MACROD2: variants seen among roughly 807,000 people sequenced by gnomAD.
MACROD2 encodes the protein mono-ADP ribosylhydrolase 2.
A neutral mutation model predicts 70.4 loss-of-function variants in MACROD2; 36 were observed. That is an observed-to-expected ratio of 0.51 (90% CI 0.39 to 0.68). The LOEUF (loss-of-function observed/expected upper bound fraction) is 0.68. Among genes scored for constraint, MACROD2 ranks in the 30% least tolerant of loss-of-function variants. The pLI, the probability that MACROD2 is intolerant of heterozygous loss-of-function variation, is 0.00. For missense variants in MACROD2, 496 were observed against 538.4 expected, an observed-to-expected ratio of 0.92 and a Z score of 0.78; for synonymous variants, 172 against 178.8, an observed-to-expected ratio of 0.96 and a Z score of 0.30.
chr20:14,650,585 T>G lies in MACROD2; in HGVS notation c.302-34258T>G, dbSNP rs138553781. On this transcript the variant is annotated intron_variant, in intron 4 of 17. Coordinates refer to ENST00000684519, the MANE Select transcript of MACROD2 (RefSeq NM_001351661.2). Reference sequence around the variant, plus strand: ...AGTTTAAGACTCAAATGGAACTGACTTTTTCAGCCTATTTGTTGTCTATGG... The same window carrying G: ...AGTTTAAGACTCAAATGGAACTGACGTTTTCAGCCTATTTGTTGTCTATGG... Among the ~76,000 whole-genome samples, 286 of 152,328 alleles carry G rather than the reference T, an allele frequency of 1.9e-3. 1 individual carries two copies. The highest frequency in any genetic ancestry group is 6.8e-3 in the African/African-American group (281 of 41,584).
intron 5 of MACROD2, among the ~76,000 whole-genome samples, chr20:14,787,982 G>A (rs2072395853): frequency 6.6e-6 from 1 of 151,872 alleles, no homozygotes; most frequent in Non-Finnish European, 1.5e-5. Flanking sequence ...TTTACCTAGA[G>A]GGCTTTCTAT....
intron 3 of MACROD2, among the ~76,000 whole-genome samples, chr20:14,429,526 C>G (rs1015687271): frequency 2.6e-5 from 4 of 152,064 alleles, no homozygotes; most frequent in African/African-American, 9.7e-5. Flanking sequence ...GAGAAATTGC[C>G]TTAAACATGT....
intron 3 of MACROD2, among the ~76,000 whole-genome samples, chr20:14,430,323 A>C (rs2083980997): frequency 6.6e-6 from 1 of 152,158 alleles, no homozygotes; most frequent in Non-Finnish European, 1.5e-5. Flanking sequence ...GCAGTCTTTA[A>C]AAGAGATCGA....
At chr20:15,037,561 G>T (rs1259853542) in intron 5 of MACROD2, among the ~76,000 whole-genome samples, 1 of 152,190 alleles carries the variant, frequency 6.6e-6, no homozygotes, top group Non-Finnish European at 1.5e-5. Context: ...TGGCATTTTA[G>T]TCAGTGTATT....
intron 5 of MACROD2, among the ~76,000 whole-genome samples, chr20:14,922,092 G>T (rs2074171112): frequency 6.6e-6 from 1 of 152,096 alleles, no homozygotes; most frequent in African/African-American, 2.4e-5. Flanking sequence ...TTTCTATGAT[G>T]ACCCGGTGAC....
intron 8 of MACROD2, among the ~76,000 whole-genome samples, chr20:15,632,412 G>A (rs938507679): frequency 6.6e-6 from 1 of 152,130 alleles, no homozygotes; most frequent in Non-Finnish European, 1.5e-5. Flanking sequence ...GTTTAGCGGC[G>A]AGGGGGGCCA....
At chr20:15,223,307 G>A (rs1458573572) in intron 5 of MACROD2, among the ~76,000 whole-genome samples, 2 of 152,172 alleles carry the variant, frequency 1.3e-5, no homozygotes, top group Non-Finnish European at 2.9e-5. Flanking sequence ...GGGCTTCAGT[G>A]CACAAAGGCT....
At chr20:14,328,163 G>T (rs892954110) in intron 3 of MACROD2, among the ~76,000 whole-genome samples, 4 of 151,868 alleles carry the variant, frequency 2.6e-5, no homozygotes, top group Admixed American at 6.6e-5. Context: ...ATTTTCTTTG[G>T]TTATTAATTT....
At chr20:15,631,953 C>A (rs958382519) in intron 8 of MACROD2, among the ~76,000 whole-genome samples, 2 of 152,076 alleles carry the variant, frequency 1.3e-5, no homozygotes, top group African/African-American at 4.8e-5. Context: ...GCCTGGCCAA[C>A]ATAGTGAAAC....
chr20:14,683,003 C>T lies in MACROD2; in HGVS notation c.302-1840C>T, dbSNP rs2070952866. Among the ~76,000 whole-genome samples the T allele has an allele frequency of 2.0e-5, 3 of 152,102 alleles. No individual in the cohort carries two copies. The South Asian group carries it at 6.2e-4, about 32-fold the overall frequency. ...CAAGCAATTCTCCTGCCTCAGCCTC[C>T]TGAGTAGCCAGGATTACAGGCATGC... On this transcript the variant is annotated intron_variant, in intron 4 of 17. Coordinates refer to ENST00000684519, the MANE Select transcript of MACROD2 (RefSeq NM_001351661.2).
intron 3 of MACROD2, among the ~76,000 whole-genome samples, chr20:14,126,390 C>G (rs2054650437): frequency 6.6e-6 from 1 of 152,154 alleles, no homozygotes; most frequent in Non-Finnish European, 1.5e-5. Flanking sequence ...AAGCCCTATA[C>G]AAATAAAATA....
intron 5 of MACROD2, among the ~76,000 whole-genome samples, chr20:14,813,740 C>T (rs181944213): frequency 5.1e-4 from 77 of 152,158 alleles, no homozygotes; most frequent in African/African-American, 1.7e-3. Context: ...GAAGCTCATT[C>T]AAGCCCAGTC....
At chr20:14,729,725 C>T (rs1233972460) in intron 5 of MACROD2, among the ~76,000 whole-genome samples, 1 of 151,968 alleles carries the variant, frequency 6.6e-6, no homozygotes, top group Non-Finnish European at 1.5e-5. Flanking sequence ...AAGGTACACA[C>T]TCTCAATACA....
chr20:14,334,434 A>T (rs2082899725), intron 3 of MACROD2, among the ~76,000 whole-genome samples: 1 of 152,216 alleles, frequency 6.6e-6, no homozygotes, highest in Non-Finnish European at 1.5e-5. Flanking sequence ...GCTGAGAAAC[A>T]TCCCTTTTTA....
intron 3 of MACROD2, among the ~76,000 whole-genome samples, chr20:14,452,532 C>T (rs2084256583): frequency 6.6e-6 from 1 of 151,932 alleles, no homozygotes. Context: ...TTATTATTAC[C>T]AACTTAAGAA....
chr20:15,894,450 A>T (rs938573169), intron 10 of MACROD2, among the ~76,000 whole-genome samples: 1 of 152,194 alleles, frequency 6.6e-6, no homozygotes, highest in East Asian at 1.9e-4. Flanking sequence ...AGCTTCCTAG[A>T]CCAAGACTGC....
chr20:15,253,783 A>G (rs974625976), intron 6 of MACROD2, among the ~76,000 whole-genome samples: 2 of 152,228 alleles, frequency 1.3e-5, no homozygotes, highest in Admixed American at 1.3e-4. Flanking sequence ...ACTGAGCTAC[A>G]TCCACACACT....
intron 4 of MACROD2, among the ~76,000 whole-genome samples, chr20:14,511,953 A>G (rs2085035762): frequency 1.3e-5 from 2 of 150,570 alleles, no homozygotes; most frequent in Admixed American, 6.6e-5. Context: ...TTAGTATTTG[A>G]GGTATAAAAT....
At chr20:14,935,248 T>C (rs1485766230) in intron 5 of MACROD2, 1 of 152,224 alleles carries the variant, frequency 6.6e-6, no homozygotes, top group Non-Finnish European at 1.5e-5. Context: ...CTTAGAAAGA[T>C]TCTAAATGTA....
Sources: allele counts gnomAD v4.1 joint callset (sites outside exome capture counted in the v4.1 genomes callset), GRCh38; gene constraint gnomAD v4.1.1; transcripts MANE v1.5; gene names NCBI Gene and HGNC (gene_info 2026-07-23, HGNC 2026-07-21).